MYC: variants seen among roughly 807,000 people sequenced by gnomAD.
The protein encoded by MYC is myc proto-oncogene protein.
A neutral mutation model predicts 30.5 loss-of-function variants in MYC; 1 was observed. That is an observed-to-expected ratio of 0.03 (90% CI 0.01 to 0.16). The LOEUF (loss-of-function observed/expected upper bound fraction) is 0.16. MYC is among the 10% of genes least tolerant of loss of function. MYC has a pLI of 1.00. For missense variants in MYC, 508 were observed against 589.0 expected (o/e 0.86, Z 1.42); for synonymous variants, 267 against 250.7 (o/e 1.07, Z -0.62).
rs1479181550 is a variant in MYC, at chr8:127,740,850, G to A, written c.1257G>A (p.Leu419=). Reference sequence around the variant, plus strand: ...TTAAAAAAGCCACAGCATACATCCTGTCCGTCCAAGCAGAGGAGCAAAAGC... The same window carrying A: ...TTAAAAAAGCCACAGCATACATCCTATCCGTCCAAGCAGAGGAGCAAAAGC... The change falls in exon 3 of 3, where the codon CTG becomes CTA. Residue 419 remains leucine (L), a synonymous_variant. Transcript: ENST00000621592. 7 of 1,613,838 alleles carry A rather than the reference G, an allele frequency of 4.3e-6. No individual in the cohort carries two copies. The African/African-American group carries it at 9.3e-5, about 22-fold the overall frequency.
At chr8:127,737,372 T>A (rs939506148) in intron 1 of MYC, among the ~76,000 whole-genome samples, 2 of 152,192 alleles carry the variant, frequency 1.3e-5, no homozygotes, top group Admixed American at 6.5e-5. Context: ...CACCCAGCCC[T>A]GACTCCCCTG....
chr8:127,737,450 G>T (rs1813612789), intron 1 of MYC, among the ~76,000 whole-genome samples: 1 of 152,192 alleles, frequency 6.6e-6, no homozygotes, highest in African/African-American at 2.4e-5. Flanking sequence ...GGCTCTGGGC[G>T]GTTCCAGAAC....
rs1813636954 is a variant in MYC, at chr8:127,738,144, G to A, written c.31-104G>A. 2.9e-6 allele frequency: 4 copies of A among 1,379,972 alleles called. No homozygotes were observed. Among genetic ancestry groups the A allele is most frequent in the African/African-American group, 1.4e-5 (1 of 69,022 alleles). 85.5% of individuals were successfully genotyped at this position (1,379,972 alleles called of 1,614,324 possible). A position where few individuals can be genotyped will look rare whatever the true frequency, so the allele number is the denominator to read the frequency against. ...CCGCTTTAGGGGATAGCTCTGCAAGGGGAGAGGTTCGGGACTGTGGCGCGC... is the reference window on the plus strand; with the variant it reads ...CCGCTTTAGGGGATAGCTCTGCAAGAGGAGAGGTTCGGGACTGTGGCGCGC... On this transcript the variant is annotated intron_variant, in intron 1 of 2. Coordinates refer to ENST00000621592, the MANE Select transcript of MYC (RefSeq NM_002467.6). This position sits in a 1 kb window ranked among gnomAD's most constrained non-coding sequence, Gnocchi z 7.6.
At position 127,741,013 on chromosome 8, in the gene MYC, T is replaced by C. The variant is rs893273346; in HGVS notation, c.*55T>C. On this transcript the variant is annotated 3_prime_UTR_variant, in exon 3 of 3. Transcript: ENST00000621592. ...CAGAAATGTCCTGAGCAATCACCTA[T>C]GAACTTGTTTCAAATGCATGATCAA... is the stretch of plus-strand genomic sequence containing the variant. 9.6e-6 allele frequency: 14 copies of C among 1,462,034 alleles called. No individual in the cohort carries two copies. The highest frequency in any genetic ancestry group is 1.5e-5 in the South Asian group (1 of 68,918). The allele number at this position is 1,462,034 out of a possible 1,614,324, so 90.6% of individuals were successfully genotyped here.
At chr8:127,737,002 T>G (rs1303616051) in intron 1 of MYC, among the ~76,000 whole-genome samples, 1 of 152,238 alleles carries the variant, frequency 6.6e-6, no homozygotes, top group Non-Finnish European at 1.5e-5. Flanking sequence ...GCCCCTTGCA[T>G]CCTGAGCTCC....
intron 2 of MYC, 152 bp downstream of exon 2, chr8:127,739,171 C>CCCA: frequency 1.1e-6 from 1 of 900,220 alleles, no homozygotes. Context: ...AAACCTTGGG[C>CCCA]TTTAGCGTTT....
rs1813654768 is a variant in MYC at position 127,738,796 on chromosome 8, G to A, written c.579G>A (p.Leu193=). The A allele has an allele frequency of 6.2e-7, 1 of 1,609,418 alleles. No homozygotes were observed. Among genetic ancestry groups the A allele is most frequent in the Non-Finnish European group, 8.5e-7 (1 of 1,177,520 alleles). ...TCTGCTCCACCTCCAGCTTGTACCT[G>A]CAGGATCTGAGCGCCGCCGCCTCAG... Residue 193 remains leucine, a synonymous_variant, in exon 2 of 3, where the codon CTG becomes CTA. Coordinates refer to ENST00000621592, the MANE Select transcript of MYC (RefSeq NM_002467.6). This position sits in a 1 kb window ranked among gnomAD's most constrained non-coding sequence, Gnocchi z 7.6.
Sources: allele counts gnomAD v4.1 joint callset (sites outside exome capture counted in the v4.1 genomes callset), GRCh38; gene constraint gnomAD v4.1.1; non-coding constraint Gnocchi (gnomAD v3.1); transcripts MANE v1.5; gene names NCBI Gene and HGNC (gene_info 2026-07-23, HGNC 2026-07-21).